The following SLC39A10 variants were observed in gnomAD, a reference collection of about 807,000 sequenced individuals.
SLC39A10 encodes the protein zinc transporter ZIP10.
Under a neutral mutation model 65.1 loss-of-function variants are expected in SLC39A10, and 13 were observed. The ratio of observed to expected loss-of-function variants is 0.20; its 90% CI spans 0.13 to 0.32. The LOEUF is 0.32. Among genes scored for constraint, SLC39A10 ranks in the 10% least tolerant of loss-of-function variants. The probability of loss-of-function intolerance (pLI) is 1.00; values close to 1 mark genes in which losing one functional copy is unlikely to be tolerated. For missense variants in SLC39A10, 831 were observed against 1,018.4 expected, an observed-to-expected ratio of 0.82 and a Z score of 2.50; for synonymous variants, 321 against 342.2, an observed-to-expected ratio of 0.94 and a Z score of 0.68.
rs13428848 is a variant in SLC39A10 at position 195,700,738 on chromosome 2, G to A, written c.1217-5878G>A. Among the ~76,000 whole-genome samples, 228 of 152,172 alleles carry A rather than the reference G, an allele frequency of 1.5e-3. 2 individuals are homozygous for A. The highest frequency in any genetic ancestry group is 5.3e-3 in the African/African-American group (221 of 41,530). On this transcript the variant is annotated intron_variant, in intron 3 of 9. Coordinates refer to ENST00000359634, the MANE Select transcript of SLC39A10 (RefSeq NM_020342.3). ...TTTCATTTAGGACTTTGAATGTATCGGTCTATTGCCTTCTGACCCACAAAG... is the reference window on the plus strand; with the variant it reads ...TTTCATTTAGGACTTTGAATGTATCAGTCTATTGCCTTCTGACCCACAAAG...
intron 1 of SLC39A10, among the ~76,000 whole-genome samples, chr2:195,665,854 A>G (rs1412819816): frequency 6.6e-6 from 1 of 152,044 alleles, no homozygotes; most frequent in Admixed American, 6.6e-5. Context: ...GTGCTCTTTC[A>G]CTTCTGTGCA....
chr2:195,731,139 A>G (rs1186434288), intron 9 of SLC39A10, among the ~76,000 whole-genome samples: 1 of 152,164 alleles, frequency 6.6e-6, no homozygotes, highest in African/African-American at 2.4e-5. Flanking sequence ...TCAGAGTAAA[A>G]GTCCTAAAGT....
intron 1 of SLC39A10, among the ~76,000 whole-genome samples, chr2:195,675,305 G>C (rs925963770): frequency 1.3e-5 from 2 of 152,170 alleles, no homozygotes; most frequent in South Asian, 4.1e-4. Flanking sequence ...TTGGATTTTT[G>C]GTACTGTCCT....
chr2:195,709,411 T>C lies in SLC39A10; in HGVS notation c.1575+567T>C, dbSNP rs189890230. On this transcript the variant is annotated intron_variant, in intron 5 of 9. Transcript: ENST00000359634. ...CATGCCTGGCTAGTTTTTGTATTTT[T>C]AGTAGAGACAGGGTTTTGCCATGTT... Among the ~76,000 whole-genome samples, 30 of 152,160 alleles carry C rather than the reference T, an allele frequency of 2.0e-4. No homozygotes were observed. The East Asian group carries it at 5.8e-3, about 29-fold the overall frequency.
At chr2:195,731,782 A>C (rs558210046) in intron 9 of SLC39A10, among the ~76,000 whole-genome samples, 5 of 152,228 alleles carry the variant, frequency 3.3e-5, no homozygotes, top group Non-Finnish European at 7.3e-5. Context: ...TGAGTCCTAA[A>C]GAATGGAGTT....
intron 3 of SLC39A10, among the ~76,000 whole-genome samples, chr2:195,695,756 G>A (rs1690932210): frequency 6.6e-6 from 1 of 152,262 alleles, no homozygotes; most frequent in Admixed American, 6.5e-5. Context: ...ATCCGTAATT[G>A]TCTTTTGATG....
At chr2:195,702,324 C>T (rs533448769) in intron 3 of SLC39A10, among the ~76,000 whole-genome samples, 5 of 152,220 alleles carry the variant, frequency 3.3e-5, no homozygotes, top group Admixed American at 2.0e-4. Context: ...TTGTAGGGTC[C>T]TGTAGATTGA....
At chr2:195,635,708 CTT>C (rs61132041) in intron 2 of SLC39A10, among the ~76,000 whole-genome samples, 3 of 141,806 alleles carry the variant, frequency 2.1e-5, no homozygotes, top group East Asian at 2.1e-4. Context: ...ACCCCCCCCA[CTT>C]TTTTTTTTTT....
At chr2:195,628,345 G>A (rs1025090548) in intron 2 of SLC39A10, among the ~76,000 whole-genome samples, 1 of 152,184 alleles carries the variant, frequency 6.6e-6, no homozygotes, top group Admixed American at 6.5e-5. Context: ...TTTAAGATAA[G>A]TGAACTTTTA....
rs1318026637 is a variant in SLC39A10 at position 195,728,617 on chromosome 2, CTT to C, written c.2337+270_2337+271del. Among the ~76,000 whole-genome samples, 1 of 152,014 alleles carries C rather than the reference CTT, an allele frequency of 6.6e-6. No individual in the cohort carries two copies. The highest frequency in any genetic ancestry group is 1.5e-5 in the Non-Finnish European group (1 of 68,014). On this transcript the variant is annotated intron_variant, in intron 9 of 9. Coordinates refer to ENST00000359634, the MANE Select transcript of SLC39A10 (RefSeq NM_020342.3). This position sits in a 1 kb window ranked among gnomAD's most constrained non-coding sequence, Gnocchi z 4.4. The stretch of plus-strand genomic sequence containing the variant: ...CAGAATTATTATACTACTTTAAAGA[CTT>C]TGTAATATTGGTGTAGAAGTGTTTT...
intron 8 of SLC39A10, among the ~76,000 whole-genome samples, chr2:195,727,637 C>T (rs899588439): frequency 1.3e-5 from 2 of 152,110 alleles, no homozygotes; most frequent in African/African-American, 4.8e-5. Flanking sequence ...GAAGTTCGAG[C>T]AGGGAGGTCT....
intron 2 of SLC39A10, among the ~76,000 whole-genome samples, chr2:195,625,288 T>A (rs900695837): frequency 4.0e-5 from 6 of 148,974 alleles, no homozygotes; most frequent in African/African-American, 1.2e-4. Context: ...TTTTTCTTTT[T>A]TTTTGAGACG....
rs144664668 is a variant in SLC39A10, at chr2:195,667,145, T to A, written c.-12+9864T>A. Among the ~76,000 whole-genome samples the A allele has an allele frequency of 5.8e-3, 877 of 152,368 alleles. 8 individuals carry two copies. Among genetic ancestry groups the A allele is most frequent in the African/African-American group, 0.02 (846 of 41,588 alleles). Reference sequence around the variant, plus strand: ...AACTGAGTTAATGCCCAAGCTTAATTAGCATGCACTTAACTTTTTACATGA... The same window carrying A: ...AACTGAGTTAATGCCCAAGCTTAATAAGCATGCACTTAACTTTTTACATGA... On this transcript the variant is annotated intron_variant, in intron 1 of 9. Coordinates refer to ENST00000359634, the MANE Select transcript of SLC39A10 (RefSeq NM_020342.3).
At chr2:195,693,984 T>G (rs1690844000) in intron 3 of SLC39A10, among the ~76,000 whole-genome samples, 1 of 152,164 alleles carries the variant, frequency 6.6e-6, no homozygotes, top group Non-Finnish European at 1.5e-5. Context: ...ATCTCAGAAG[T>G]TTTGATAGGT....
chr2:195,657,554 C>G (rs1689198822), intron 1 of SLC39A10: 2 of 983,678 alleles, frequency 2.0e-6, no homozygotes, highest in Non-Finnish European at 2.4e-6. Flanking sequence ...GGATCGGGAG[C>G]CGGCGGCATC....
intron 1 of SLC39A10, among the ~76,000 whole-genome samples, chr2:195,676,731 C>T (rs1371862612): frequency 3.3e-5 from 5 of 152,172 alleles, no homozygotes; most frequent in African/African-American, 9.7e-5. Context: ...CCTTGCTAAT[C>T]TTCTGAATTG....
chr2:195,689,103 A>C (rs1033693927), intron 3 of SLC39A10, among the ~76,000 whole-genome samples: 1 of 152,202 alleles, frequency 6.6e-6, no homozygotes, highest in Non-Finnish European at 1.5e-5. Context: ...AGTGGAGAAA[A>C]CAGTGGATTA....
chr2:195,664,942 G>T (rs1248833505), intron 1 of SLC39A10, among the ~76,000 whole-genome samples: 1 of 152,136 alleles, frequency 6.6e-6, no homozygotes, highest in East Asian at 1.9e-4. Context: ...CAGCACTTTG[G>T]GAAGCCGGGG....
chr2:195,623,608 T>C (rs1688395643), intron 2 of SLC39A10, among the ~76,000 whole-genome samples: 1 of 152,182 alleles, frequency 6.6e-6, no homozygotes, highest in Non-Finnish European at 1.5e-5. Context: ...GGCAATCCAT[T>C]AATTGGATGC....
Sources: allele counts gnomAD v4.1 joint callset (sites outside exome capture counted in the v4.1 genomes callset), GRCh38; gene constraint gnomAD v4.1.1; non-coding constraint Gnocchi (gnomAD v3.1); transcripts MANE v1.5; gene names NCBI Gene and HGNC (gene_info 2026-07-23, HGNC 2026-07-21).